The following PIK3CD variants were observed in gnomAD, a reference collection of about 807,000 sequenced individuals.
PIK3CD encodes phosphatidylinositol 4,5-bisphosphate 3-kinase catalytic subunit delta isoform.
In PIK3CD, 20 loss-of-function variants were observed where a neutral mutation model predicts 122.9. The observed-to-expected ratio is 0.16, with a 90% confidence interval of 0.11 to 0.24. PIK3CD has a LOEUF of 0.24. PIK3CD is among the 10% of genes least tolerant of loss of function. The probability of loss-of-function intolerance (pLI) is 1.00; values close to 1 mark genes in which losing one functional copy is unlikely to be tolerated. For synonymous variants in PIK3CD, 596 were observed against 593.4 expected (o/e 1.00, Z -0.06); for missense variants, 787 against 1,406.3 (o/e 0.56, Z 7.04).
chr1:9,693,476 A>G (rs1489055820), intron 2 of PIK3CD, among the ~76,000 whole-genome samples: 6 of 151,044 alleles, frequency 4.0e-5, no homozygotes, highest in Admixed American at 2.0e-4. Context: ...CAAGGGATCC[A>G]CCTGCCTCAG....
At position 9,723,086 on chromosome 1, in the gene PIK3CD, G is replaced by T; in HGVS notation, c.2427-39G>T. 6.2e-7 allele frequency: 1 copy of T among 1,607,848 alleles called. No homozygotes were observed. Among genetic ancestry groups the T allele is most frequent in the South Asian group, 1.1e-5 (1 of 90,920 alleles). ...TCAAGTGGCCTCAGGGACAGCCCTT[G>T]ACCATGCCATTTGCCCGTCCCTCTT... On this transcript the variant is annotated intron_variant, in intron 19 of 23. Transcript: ENST00000377346. This position sits in a 1 kb window ranked among gnomAD's most constrained non-coding sequence, Gnocchi z 4.9.
At chr1:9,673,603 A>T (rs761008974) in intron 1 of PIK3CD, among the ~76,000 whole-genome samples, 1 of 151,630 alleles carries the variant, frequency 6.6e-6, no homozygotes, top group East Asian at 1.9e-4. Context: ...AAGTCTGGCT[A>T]TGTTGCCTAG....
intron 3 of PIK3CD, among the ~76,000 whole-genome samples, chr1:9,714,042 G>T (rs1040363018): frequency 5.3e-5 from 8 of 151,662 alleles, no homozygotes; most frequent in Non-Finnish European, 1.2e-4. Flanking sequence ...TGTAGAGATG[G>T]AGTCTTATTA....
the PIK3CD span, among the ~76,000 whole-genome samples, chr1:9,629,717 A>T: frequency 1.3e-5 from 2 of 151,690 alleles, no homozygotes; most frequent in South Asian, 2.1e-4. Context: ...TCGGTCTAAA[A>T]CAAAGCCCCT....
chr1:9,640,725 G>A, the PIK3CD span, among the ~76,000 whole-genome samples: 1 of 151,956 alleles, frequency 6.6e-6, no homozygotes, highest in Non-Finnish European at 1.5e-5. Flanking sequence ...TTTTTCACAT[G>A]TGAATCACAG....
At chr1:9,711,822 A>G (rs1647064611) in intron 3 of PIK3CD, among the ~76,000 whole-genome samples, 1 of 152,114 alleles carries the variant, frequency 6.6e-6, no homozygotes, top group African/African-American at 2.4e-5. Context: ...TTTTGAAACC[A>G]CACTCCATCC....
In PIK3CD at chr1:9,711,049, T is replaced by C. The variant is rs1454241974; in HGVS notation, c.141+453T>C. On this transcript the variant is annotated intron_variant, in intron 3 of 23. Transcript: ENST00000377346. ...ATCCACCTGCCTCGGCCTCCCAAAG[T>C]GCTGAGATTCCAGGCGTGAGCCACT... Among the ~76,000 whole-genome samples the C allele has an allele frequency of 2.0e-5, 3 of 152,128 alleles. 1 individual carries two copies. Among genetic ancestry groups the C allele is most frequent in the Non-Finnish European group, 4.4e-5 (3 of 68,016 alleles).
rs1434913915 is a variant in PIK3CD, at chr1:9,664,628, C to T, written c.-138+12826C>T. On this transcript the variant is annotated intron_variant, in intron 1 of 23. Coordinates refer to ENST00000377346, the MANE Select transcript of PIK3CD (RefSeq NM_005026.5). ...TCTTTGCAAACGAGGCATTGTTCAC[C>T]TTGGAACTGCTAGCCACCACCCCAG... Among the ~76,000 whole-genome samples, 8 of 152,176 alleles carry T rather than the reference C, an allele frequency of 5.3e-5. No individual in the cohort carries two copies. In the East Asian group the frequency reaches 1.3e-3, roughly 26 times the overall value.
At chr1:9,635,686 G>A in the PIK3CD span, among the ~76,000 whole-genome samples, 8,550 of 152,320 alleles carry the variant, frequency 0.056, 355 homozygotes, top group Admixed American at 0.13. Context: ...TCCTAGAGCC[G>A]GAGCTGGGCA....
At position 9,689,556 on chromosome 1, in the gene PIK3CD, C is replaced by T. The variant is rs1167336922; in HGVS notation, c.-137-1911C>T. 1.4e-5 allele frequency among the ~76,000 whole-genome samples: 2 copies of T among 147,844 alleles called. No individual in the cohort carries two copies. Among genetic ancestry groups the T allele is most frequent in the Non-Finnish European group, 1.5e-5 (1 of 66,424 alleles). Reference sequence around the variant, plus strand: ...CCCCGGGCCGCGCCCCTCCGCCGAGCCCCGCTTGCCTGCACCTCGCGCGGC... The same window carrying T: ...CCCCGGGCCGCGCCCCTCCGCCGAGTCCCGCTTGCCTGCACCTCGCGCGGC... On this transcript the variant is annotated intron_variant, in intron 1 of 23. Coordinates refer to ENST00000377346, the MANE Select transcript of PIK3CD (RefSeq NM_005026.5). The surrounding 1 kb of genome is among the most constrained non-coding windows in gnomAD (Gnocchi z 6.1).
At chr1:9,653,693 C>A in intron 1 of PIK3CD, 1 of 785,224 alleles carries the variant, frequency 1.3e-6, no homozygotes, top group Non-Finnish European at 1.9e-6. Context: ...CGACCAAACG[C>A]AAGGAGATAT....
intron 23 of PIK3CD, 110 bp downstream of exon 23, chr1:9,725,046 T>G: frequency 1.5e-6 from 2 of 1,332,508 alleles, no homozygotes. Context: ...GGCACTGAGC[T>G]GTGTGTGCCT....
At chr1:9,692,469 G>A (rs939449135) in intron 2 of PIK3CD, among the ~76,000 whole-genome samples, 1 of 152,204 alleles carries the variant, frequency 6.6e-6, no homozygotes, top group Non-Finnish European at 1.5e-5. Context: ...GCTCATGCCT[G>A]TAATCCTAGC....
Position 9,722,767 on chromosome 1 carries a change from C to T in PIK3CD, c.2426+161C>T, listed in dbSNP as rs911071986. Among the ~76,000 whole-genome samples, 4 of 152,090 alleles carry T rather than the reference C, an allele frequency of 2.6e-5. No homozygotes were observed. The highest frequency in any genetic ancestry group is 3.9e-4 in the East Asian group (2 of 5,168). ...GGTTTAACTCTAGGCCAGGAGGCGG[C>T]GGGCAGCAGGATGCGTGAAGGCTGC... On this transcript the variant is annotated intron_variant, in intron 19 of 23. Transcript: ENST00000377346. This position sits in a 1 kb window ranked among gnomAD's most constrained non-coding sequence, Gnocchi z 7.6.
intron 3 of PIK3CD, among the ~76,000 whole-genome samples, chr1:9,714,096 C>T (rs1647168858): frequency 6.6e-6 from 1 of 152,120 alleles, no homozygotes; most frequent in African/African-American, 2.4e-5. Flanking sequence ...AAGTGATCCT[C>T]CCACCTCAGC....
intron 2 of PIK3CD, among the ~76,000 whole-genome samples, chr1:9,694,263 G>A (rs1646316146): frequency 6.6e-6 from 1 of 152,234 alleles, no homozygotes; most frequent in African/African-American, 2.4e-5. Flanking sequence ...TAGGCACGGT[G>A]GCTCCCACCT....
At chr1:9,665,520 A>G (rs1419574027) in intron 1 of PIK3CD, among the ~76,000 whole-genome samples, 4 of 151,680 alleles carry the variant, frequency 2.6e-5, no homozygotes, top group Non-Finnish European at 4.4e-5. Context: ...CGCTCATGCC[A>G]GTACATGCCG....
upstream of PIK3CD, among the ~76,000 whole-genome samples, chr1:9,646,886 C>T (rs547845786): frequency 2.0e-5 from 3 of 148,434 alleles, no homozygotes; most frequent in East Asian, 2.0e-4. Context: ...ACCAGGGAGG[C>T]GGAGGTTGCA....
In PIK3CD at chr1:9,719,072, T is replaced by G. The variant is rs562196743; in HGVS notation, c.1242+157T>G. 1.3e-5 allele frequency among the ~76,000 whole-genome samples: 2 copies of G among 152,290 alleles called. No individual in the cohort carries two copies. The highest frequency in any genetic ancestry group is 6.5e-5 in the Admixed American group (1 of 15,298). ...CCCAGCCTCCTCACCCACCCTAGTCTGGCCACCAGCCCTGCTCGAGGGACA... is the reference window on the plus strand; with the variant it reads ...CCCAGCCTCCTCACCCACCCTAGTCGGGCCACCAGCCCTGCTCGAGGGACA... On this transcript the variant is annotated intron_variant, in intron 9 of 23. Transcript: ENST00000377346. The surrounding 1 kb of genome is among the most constrained non-coding windows in gnomAD (Gnocchi z 5.5).
Sources: gnomAD v4.1 joint callset for allele counts (sites outside exome capture counted in the v4.1 genomes callset) on GRCh38, gnomAD v4.1.1 for gene constraint, Gnocchi (gnomAD v3.1) non-coding constraint, MANE v1.5 for transcripts, NCBI Gene and HGNC (gene_info 2026-07-23, HGNC 2026-07-21) for gene names.